Variants in S100Z observed in about 807,000 individuals in gnomAD.
S100Z encodes the protein protein S100-Z.
A neutral mutation model predicts 8.5 loss-of-function variants in S100Z; 11 were observed. That is an observed-to-expected ratio of 1.30 (90% CI 0.82 to 2.15). The LOEUF (loss-of-function observed/expected upper bound fraction) is 2.15, where lower values mean the gene tolerates loss of function less well. S100Z is among the 30% of genes most tolerant of loss of function. S100Z has a pLI of 0.00. For synonymous variants in S100Z, 34 were observed against 43.8 expected, an observed-to-expected ratio of 0.78 and a Z score of 0.89; for missense variants, 126 against 117.9, an observed-to-expected ratio of 1.07 and a Z score of -0.32.
chr5:76,923,720 A>G (rs1450755872), downstream of S100Z, among the ~76,000 whole-genome samples: 1 of 152,336 alleles, frequency 6.6e-6, no homozygotes, highest in East Asian at 1.9e-4. Flanking sequence ...AACCGTTTTT[A>G]TAGACTTGCT....
downstream of S100Z, among the ~76,000 whole-genome samples, chr5:76,924,876 GCACTCCAGCCTGGGCAACAGAGCGAGA>G: frequency 6.6e-6 from 1 of 151,684 alleles, no homozygotes. Flanking sequence ...TGGCGCCACG[GCACTCCAGCCTGGGCAACAGAGCGAGA>G]CTCTGTCTCA....
intron 1 of S100Z, among the ~76,000 whole-genome samples, chr5:76,866,834 A>T (rs1407210827): frequency 6.6e-6 from 1 of 152,250 alleles, no homozygotes; most frequent in Non-Finnish European, 1.5e-5. Flanking sequence ...TCTGTCATTA[A>T]GTAACACAGG....
At chr5:76,952,004 T>C in the S100Z span, among the ~76,000 whole-genome samples, 1 of 152,246 alleles carries the variant, frequency 6.6e-6, no homozygotes, top group African/African-American at 2.4e-5. Context: ...TTTGTAATAA[T>C]TGTAATAACA....
At chr5:76,885,773 C>G (rs150430187) in intron 4 of S100Z, among the ~76,000 whole-genome samples, 1 of 139,152 alleles carries the variant, frequency 7.2e-6, no homozygotes, top group Non-Finnish European at 1.5e-5. Context: ...GATAGAGACA[C>G]AGACAGAAGA....
chr5:76,935,811 T>G, the S100Z span, among the ~76,000 whole-genome samples: 1 of 151,554 alleles, frequency 6.6e-6, no homozygotes, highest in African/African-American at 2.4e-5. Flanking sequence ...TTGTCACCAG[T>G]TGTCACCCAG....
the S100Z span, among the ~76,000 whole-genome samples, chr5:76,946,403 A>G: frequency 1.1e-3 from 163 of 152,072 alleles, no homozygotes; most frequent in African/African-American, 3.7e-3. Flanking sequence ...CCTTTCTTCA[A>G]TCTTCTCAAT....
At chr5:76,945,989 A>G in the S100Z span, among the ~76,000 whole-genome samples, 1 of 152,198 alleles carries the variant, frequency 6.6e-6, no homozygotes, top group Non-Finnish European at 1.5e-5. Flanking sequence ...GCAAACAAGA[A>G]CAATCCCCAA....
At chr5:76,850,335 GGAGAGAGA>G in intron 1 of S100Z, among the ~76,000 whole-genome samples, 180 bp downstream of exon 1, 1 of 111,068 alleles carries the variant, frequency 9.0e-6, no homozygotes, top group Non-Finnish European at 1.8e-5. Context: ...GGGGGGTGGG[GGAGAGAGA>G]GAGAGAGAGA....
At chr5:76,886,386 GAA>G (rs1743632260) in intron 4 of S100Z, among the ~76,000 whole-genome samples, 2 of 152,186 alleles carry the variant, frequency 1.3e-5, no homozygotes, top group South Asian at 4.1e-4. Flanking sequence ...ATTTAAAGGA[GAA>G]AGAGGTTGAG....
At chr5:76,880,958 A>C (rs939885395) in intron 4 of S100Z, among the ~76,000 whole-genome samples, 11 of 152,232 alleles carry the variant, frequency 7.2e-5, no homozygotes, top group African/African-American at 2.7e-4. Flanking sequence ...AAGAAGGATT[A>C]GAAATGGCTA....
rs560706641 is a variant in S100Z, at chr5:76,885,802, C to A, written c.*2+7968C>A. Among the ~76,000 whole-genome samples, 30 of 150,464 alleles carry A rather than the reference C, an allele frequency of 2.0e-4. No homozygotes were observed. The South Asian group carries it at 6.1e-3, about 31-fold the overall frequency. ...CAGAAGAGGTGGGGGCTGCTTGCCC[C>A]CCAGAAAAGTGGAGAGAAAAGACAG... On this transcript the variant is annotated intron_variant, in intron 4 of 4. Transcript: ENST00000317593.
chr5:76,889,825 T>A (rs909489584), intron 4 of S100Z, among the ~76,000 whole-genome samples: 3 of 152,262 alleles, frequency 2.0e-5, no homozygotes, highest in African/African-American at 7.2e-5. Context: ...TGCTGGAGTT[T>A]AAATAAATTT....
the S100Z span, among the ~76,000 whole-genome samples, chr5:76,951,059 G>A: frequency 6.6e-6 from 1 of 151,648 alleles, no homozygotes; most frequent in South Asian, 2.1e-4. Flanking sequence ...GTTTCCACTG[G>A]CTTAGTAGAT....
chr5:76,898,132 CT>C (rs1483406464), intron 4 of S100Z, among the ~76,000 whole-genome samples: 3 of 146,454 alleles, frequency 2.0e-5, no homozygotes, highest in Non-Finnish European at 4.5e-5. Flanking sequence ...TCATATATGG[CT>C]TTAATTATGT....
At chr5:76,850,617 G>T (rs1165968320) in intron 1 of S100Z, among the ~76,000 whole-genome samples, 1 of 152,132 alleles carries the variant, frequency 6.6e-6, no homozygotes, top group Admixed American at 6.5e-5. Flanking sequence ...AGATGCCAGT[G>T]TAAGCCCACT....
intron 3 of S100Z, 21 bp downstream of exon 3, chr5:76,875,521 T>C (rs1301462986): frequency 6.9e-6 from 11 of 1,591,156 alleles, no homozygotes; most frequent in Admixed American, 1.8e-5. Context: ...CCTTTGTAAA[T>C]GCTGTATTCA....
chr5:76,933,528 G>T, the S100Z span, among the ~76,000 whole-genome samples: 1 of 152,104 alleles, frequency 6.6e-6, no homozygotes, highest in Non-Finnish European at 1.5e-5. Flanking sequence ...AGGAGCTGTC[G>T]CCTGTTACTG....
At chr5:76,906,495 T>G (rs1744426491) in intron 4 of S100Z, among the ~76,000 whole-genome samples, 1 of 152,238 alleles carries the variant, frequency 6.6e-6, no homozygotes, top group Non-Finnish European at 1.5e-5. Flanking sequence ...AGTTCAACTT[T>G]TTTATATTTC....
the S100Z span, among the ~76,000 whole-genome samples, chr5:76,946,296 C>A: frequency 9.2e-5 from 14 of 152,174 alleles, no homozygotes; most frequent in Non-Finnish European, 2.1e-4. Flanking sequence ...TAGATGATGT[C>A]ATTCAACAAT....
Sources: allele counts gnomAD v4.1 joint callset (sites outside exome capture counted in the v4.1 genomes callset), GRCh38; gene constraint gnomAD v4.1.1; transcripts MANE v1.5; gene names NCBI Gene and HGNC (gene_info 2026-07-23, HGNC 2026-07-21).